GLI1: variants seen among roughly 807,000 people sequenced by gnomAD.
The protein encoded by GLI1 is GLI family zinc finger 1, also known as transcription activator GLI1.
Under a neutral mutation model 87.8 loss-of-function variants are expected in GLI1, and 51 were observed. The observed-to-expected ratio is 0.58, with a 90% CI of 0.46 to 0.73. The LOEUF (loss-of-function observed/expected upper bound fraction) is 0.73, where lower values mean the gene tolerates loss of function less well. Among genes scored for constraint, GLI1 ranks in the 30% least tolerant of loss-of-function variants. The pLI is 0.00. For missense variants in GLI1, 1,292 were observed against 1,437.2 expected (o/e 0.90, Z 1.63); for synonymous variants, 528 against 558.2 (o/e 0.95, Z 0.76).
In GLI1 at chr12:57,466,333, T is replaced by C. The variant is rs1871482847; in HGVS notation, c.856T>C (p.Tyr286His). The C allele has an allele frequency of 6.2e-7, 1 of 1,614,070 alleles. No homozygotes were observed. The highest frequency in any genetic ancestry group is 8.5e-7 in the Non-Finnish European group (1 of 1,179,986). ...GGAGCTGAGGCCCTTCAAAGCCCAG[T>C]ACATGCTGGTGGTTCACATGCGCAG... ...SRELRPFKAQYMLVVHMRRHT... is the reference protein window; with the variant it reads ...SRELRPFKAQHMLVVHMRRHT... Residue 286 changes from tyrosine to histidine, a missense_variant, in exon 8 of 12, where the codon TAC becomes CAC. Coordinates refer to ENST00000228682, the MANE Select transcript of GLI1 (RefSeq NM_005269.3).
In GLI1 at chr12:57,466,407, C is replaced by T; in HGVS notation, c.912+18C>T. ...AGTGCACGGTGAGGCACCAGTGTCC[C>T]AAGTCCAGGGTCTCTTCCTAAATCA... On this transcript the variant is annotated intron_variant, in intron 8 of 11. Coordinates refer to ENST00000228682, the MANE Select transcript of GLI1 (RefSeq NM_005269.3). 6.2e-7 allele frequency: 1 copy of T among 1,600,580 alleles called. No homozygotes were observed. Among genetic ancestry groups the T allele is most frequent in the Non-Finnish European group, 8.5e-7 (1 of 1,170,900 alleles).
Position 57,471,306 on chromosome 12 carries a change from C to T in GLI1, c.2566C>T (p.Pro856Ser). Residue 856 changes from proline to serine, a missense_variant, in exon 12 of 12, where the codon CCT becomes TCT. By Grantham distance (74) the Pro-to-Ser change is moderately conservative. Coordinates refer to ENST00000228682, the MANE Select transcript of GLI1 (RefSeq NM_005269.3). This position sits in a 1 kb window ranked among gnomAD's most constrained non-coding sequence, Gnocchi z 4.9. ...CTTTTCCCATTACCCCCAGCCCTCT[C>T]CTCCCCAATATCTCCAGTCAGGCCC... is the stretch of plus-strand genomic sequence containing the variant. ...PLFSHYPQPS[P>S]PQYLQSGPYT... 1 of 1,576,128 alleles carries T rather than the reference C, an allele frequency of 6.3e-7. No individual in the cohort carries two copies. Among genetic ancestry groups the T allele is most frequent in the Non-Finnish European group, 8.6e-7 (1 of 1,162,598 alleles).
At chr12:57,470,101 T>G (rs1871768293) in intron 11 of GLI1, among the ~76,000 whole-genome samples, 1 of 152,206 alleles carries the variant, frequency 6.6e-6, no homozygotes, top group Admixed American at 6.5e-5. Context: ...TCCCTAGGAT[T>G]GTGCAGCACA....
chr12:57,471,811 C>A lies in GLI1; in HGVS notation c.3071C>A (p.Ala1024Asp). The A allele has an allele frequency of 6.4e-7, 1 of 1,564,530 alleles. No individual in the cohort carries two copies. The highest frequency in any genetic ancestry group is 8.7e-7 in the Non-Finnish European group (1 of 1,155,160). ...PEVGRLGGGP[A>D]LYPPPEGQVC... is the part of the protein sequence containing the mutation. ...GTGGGCAGGCTAGGAGGGGGTCCTG[C>A]CTTGTACCCTCCTCCCGAAGGACAG... is the stretch of plus-strand genomic sequence containing the variant. The change falls in exon 12 of 12, where the codon GCC (alanine) becomes GAC (aspartate). Residue 1024 changes from alanine (A) to aspartate (D), a missense_variant. Ala to Asp is a moderately radical substitution (Grantham distance 126, BLOSUM62 -2). Around this residue, in one of 3 missense-constraint regions of GLI1, gnomAD observed 897 missense variants for 1,040.7 expected, o/e 0.86. Coordinates refer to ENST00000228682, the MANE Select transcript of GLI1 (RefSeq NM_005269.3). The surrounding 1 kb of genome is among the most constrained non-coding windows in gnomAD (Gnocchi z 4.9).
chr12:57,461,262 T>G (rs1269287835), intron 1 of GLI1, among the ~76,000 whole-genome samples: 1 of 151,874 alleles, frequency 6.6e-6, no homozygotes, highest in Admixed American at 6.5e-5. Flanking sequence ...GCGGGCGGTT[T>G]CCCGGGGGAT....
intron 3 of GLI1, 37 bp downstream of exon 3, chr12:57,464,128 C>A: frequency 7.7e-7 from 1 of 1,299,230 alleles, no homozygotes; most frequent in Non-Finnish European, 1.1e-6. Flanking sequence ...CTTTCTGCCC[C>A]TCTCTGACTT....
chr12:57,461,266 G>C (rs892113012), intron 1 of GLI1, among the ~76,000 whole-genome samples: 1 of 151,976 alleles, frequency 6.6e-6, no homozygotes, highest in East Asian at 1.9e-4. Flanking sequence ...GCGGTTTCCC[G>C]GGGGATATGT....
In GLI1 at chr12:57,470,546, G is replaced by A. The variant is rs775573332; in HGVS notation, c.1806G>A (p.Ser602=). 8.7e-6 allele frequency: 14 copies of A among 1,613,856 alleles called. No homozygotes were observed. Among genetic ancestry groups the A allele is most frequent in the African/African-American group, 2.7e-5 (2 of 74,908 alleles). The change falls in exon 12 of 12, where the codon TCG becomes TCA. Residue 602 remains serine, a synonymous_variant. Transcript: ENST00000228682. ...RYASARGGGT[S]PTAASSLDRI... ...CTTCAGCCAGAGGGGGTGGTACTTC[G>A]CCCACTGCAGCATCCAGCCTGGATC...
chr12:57,463,863 T>G (rs1372222674), intron 2 of GLI1, 72 bp downstream of exon 2: 1 of 600,340 alleles, frequency 1.7e-6, no homozygotes, highest in Non-Finnish European at 3.0e-6. Flanking sequence ...CCCCACCCCA[T>G]GCCAGTTTCC....
intron 9 of GLI1, 53 bp from the exon 10 acceptor site, chr12:57,467,941 G>T: frequency 1.5e-6 from 2 of 1,301,918 alleles, no homozygotes; most frequent in Non-Finnish European, 2.2e-6. Flanking sequence ...CATTTCTTCT[G>T]CATTCTTCCG....
chr12:57,465,043 C>G, intron 4 of GLI1, 68 bp from the exon 5 acceptor site: 1 of 1,524,330 alleles, frequency 6.6e-7, no homozygotes, highest in Non-Finnish European at 9.1e-7. Context: ...TCCAGAAATC[C>G]TCCAAATAGC....
Position 57,470,721 on chromosome 12 carries a change from G to A in GLI1, c.1981G>A (p.Gly661Ser), listed in dbSNP as rs755006681. 6.8e-6 allele frequency: 11 copies of A among 1,612,758 alleles called. No homozygotes were observed. Among genetic ancestry groups the A allele is most frequent in the South Asian group, 2.2e-5 (2 of 90,972 alleles). Residue 661 changes from glycine (G) to serine (S), a missense_variant, in exon 12 of 12, where the codon GGC (glycine) becomes AGC (serine). This residue lies in a region of GLI1 where 897 missense variants were observed against 1,040.7 expected (regional missense o/e 0.86). Coordinates refer to ENST00000228682, the MANE Select transcript of GLI1 (RefSeq NM_005269.3). ...PARVQRFKSL[G>S]CVHTPPTVAG... ...TAGAGTCCAGAGGTTCAAGAGCCTG[G>A]GCTGTGTCCATACCCCACCCACTGT...
Position 57,471,048 on chromosome 12 carries a change from G to T in GLI1, c.2308G>T (p.Ala770Ser). ...TGGCCCCAACCCCTGTCCCCAGCAG[G>T]CCTCATATCCTGACCCCACCCAAGA... The part of the protein sequence containing the change: ...NYGPNPCPQQ[A>S]SYPDPTQETW... Residue 770 changes from alanine (A) to serine (S), a missense_variant, in exon 12 of 12, where the codon GCC becomes TCC. This residue lies in a region of GLI1 where 897 missense variants were observed against 1,040.7 expected (regional missense o/e 0.86). Transcript: ENST00000228682. The surrounding 1 kb of genome is among the most constrained non-coding windows in gnomAD (Gnocchi z 4.9). The T allele has an allele frequency of 6.2e-7, 1 of 1,611,000 alleles. No homozygotes were observed. The highest frequency in any genetic ancestry group is 8.5e-7 in the Non-Finnish European group (1 of 1,178,416).
intron 1 of GLI1, among the ~76,000 whole-genome samples, chr12:57,463,274 G>T (rs1871259379): frequency 6.6e-6 from 1 of 152,152 alleles, no homozygotes; most frequent in East Asian, 1.9e-4. Context: ...CTGGAGTGCA[G>T]TGGCACCATC....
chr12:57,464,095 AG>A lies in GLI1; in HGVS notation c.193+7del. ...GAGACCAACAGCTGCACCGAGGGTG[AG>A]GGCTCAGGCAACACCTCTTCCCTTT... On this transcript the variant is annotated splice_donor_5th_base_variant and intron_variant, in intron 3 of 11. Transcript: ENST00000228682. 3 of 1,577,656 alleles carry A rather than the reference AG, an allele frequency of 1.9e-6. No individual in the cohort carries two copies. Among genetic ancestry groups the A allele is most frequent in the Non-Finnish European group, 2.6e-6 (3 of 1,146,566 alleles).
chr12:57,465,748 T>C, intron 6 of GLI1, 40 bp from the exon 7 acceptor site: 3 of 1,614,050 alleles, frequency 1.9e-6, no homozygotes, highest in Non-Finnish European at 2.5e-6. Flanking sequence ...AAACTAAAGC[T>C]GTCACCCAAG....
Position 57,467,507 on chromosome 12 carries a change from C to CG in GLI1, c.1077+10_1077+11insG. The CG allele has an allele frequency of 6.3e-7, 1 of 1,584,260 alleles. No homozygotes were observed. Among genetic ancestry groups the CG allele is most frequent in the Non-Finnish European group, 8.6e-7 (1 of 1,157,820 alleles). On this transcript the variant is annotated intron_variant, in intron 9 of 11. Transcript: ENST00000228682. ...GACCCATTCCAATGAGGTGAATGCC[C>CG]TAACTAAGCGACCCTCCCCTCTTGA...
At chr12:57,470,021 T>C (rs1358111553) in intron 11 of GLI1, among the ~76,000 whole-genome samples, 1 of 152,124 alleles carries the variant, frequency 6.6e-6, no homozygotes, top group African/African-American at 2.4e-5. Flanking sequence ...AGAGCGAAAC[T>C]CTGTTTCAAA....
chr12:57,472,129 G>A lies in GLI1; in HGVS notation c.*68G>A, dbSNP rs1872061066. The A allele has an allele frequency of 2.6e-6, 3 of 1,169,840 alleles. No individual in the cohort carries two copies. The highest frequency in any genetic ancestry group is 1.7e-5 in the South Asian group (1 of 59,944). 72.5% of individuals were successfully genotyped at this position (1,169,840 alleles called of 1,614,324 possible). ...GGTTTCTATCCTTCCAGAAAAATTG[G>A]GGGAGCTGCAGTCCCATGCACAAGA... On this transcript the variant is annotated 3_prime_UTR_variant, in exon 12 of 12. Coordinates refer to ENST00000228682, the MANE Select transcript of GLI1 (RefSeq NM_005269.3).
Sources: allele counts gnomAD v4.1 joint callset (sites outside exome capture counted in the v4.1 genomes callset), GRCh38; gene constraint gnomAD v4.1.1; regional missense constraint gnomAD v4.1.1; non-coding constraint Gnocchi (gnomAD v3.1); transcripts MANE v1.5; gene names NCBI Gene and HGNC (gene_info 2026-07-23, HGNC 2026-07-21).